ADGRV1: variants seen among roughly 807,000 people sequenced by gnomAD.
ADGRV1 encodes G-protein coupled receptor 98.
Under a neutral mutation model 596.2 loss-of-function variants are expected in ADGRV1, and 359 were observed. The observed-to-expected ratio is 0.60, with a 90% CI of 0.55 to 0.66. The LOEUF (loss-of-function observed/expected upper bound fraction) is 0.66, where lower values mean the gene tolerates loss of function less well. ADGRV1 is among the 30% of genes least tolerant of loss of function. The probability of loss-of-function intolerance (pLI) is 0.00; values close to 1 mark genes in which losing one functional copy is unlikely to be tolerated. For synonymous variants in ADGRV1, 2,681 were observed against 2,679.2 expected, an observed-to-expected ratio of 1.00 and a Z score of -0.02; for missense variants, 7,274 against 7,575.6, an observed-to-expected ratio of 0.96 and a Z score of 1.48.
At chr5:90,922,634 T>C (rs1017648758) in intron 83 of ADGRV1, among the ~76,000 whole-genome samples, 3 of 152,190 alleles carry the variant, frequency 2.0e-5, no homozygotes, top group East Asian at 1.9e-4. Context: ...GCAGAGCTCA[T>C]TGCTGCTTTC....
chr5:90,980,559 C>G (rs558507213), intron 84 of ADGRV1, among the ~76,000 whole-genome samples: 1 of 152,260 alleles, frequency 6.6e-6, no homozygotes, highest in African/African-American at 2.4e-5. Context: ...ATCCTTCTAA[C>G]AACATTTTAA....
At chr5:91,035,861 T>TATATATATA in intron 85 of ADGRV1, among the ~76,000 whole-genome samples, 2 of 96,402 alleles carry the variant, frequency 2.1e-5, no homozygotes, top group Middle Eastern at 4.9e-3. Context: ...TATATATATA[T>TATATATATA]TATATATATA....
intron 17 of ADGRV1, among the ~76,000 whole-genome samples, chr5:90,650,923 TC>T (rs1222380456): frequency 6.6e-6 from 1 of 152,032 alleles, no homozygotes; most frequent in Non-Finnish European, 1.5e-5. Flanking sequence ...GGACTTTTGC[TC>T]CCCTGTGCAA....
chr5:91,067,010 A>G lies in ADGRV1; in HGVS notation c.18153-5437A>G, dbSNP rs536047565. Among the ~76,000 whole-genome samples the G allele has an allele frequency of 2.6e-3, 397 of 152,314 alleles. 4 individuals are homozygous for G. Among genetic ancestry groups the G allele is most frequent in the Non-Finnish European group, 3.8e-3 (261 of 68,022 alleles). On this transcript the variant is annotated intron_variant, in intron 85 of 89. Transcript: ENST00000405460. ...AGGGGCCTATTACTTCTGAGAAGTC[A>G]TGACTTGTGGAGCTCTGAATAAAAG...
chr5:90,750,607 C>T lies in ADGRV1; in HGVS notation c.11031C>T (p.Asn3677=), dbSNP rs75480336. The T allele has an allele frequency of 1.7e-3, 2,733 of 1,611,840 alleles. 40 individuals are homozygous for T. The African/African-American group carries it at 0.032, about 19-fold the overall frequency. ...EMEQDSLVTL[N]VERLKGTYGR... Reference sequence around the variant, plus strand: ...AGCAAGATAGCCTAGTAACCTTGAACGTTGAACGCTTAAAAGGAACATATG... The same window carrying T: ...AGCAAGATAGCCTAGTAACCTTGAATGTTGAACGCTTAAAAGGAACATATG... Residue 3677 remains asparagine, a synonymous_variant, in exon 53 of 90, where the codon AAC becomes AAT. Transcript: ENST00000405460.
Position 90,720,194 on chromosome 5 carries a change from G to A in ADGRV1, c.9594G>A (p.Gly3198=), listed in dbSNP as rs763440161. 95 of 1,597,860 alleles carry A rather than the reference G, an allele frequency of 5.9e-5. No individual in the cohort carries two copies. Among genetic ancestry groups the A allele is most frequent in the Non-Finnish European group, 7.9e-5 (92 of 1,171,934 alleles). ...ITVLQNQAPL[G]LFSISAVENR... is the part of the protein sequence containing the mutation. ...TTTTGCAAAACCAGGCCCCTTTGGG[G>A]CTATTCAGTATCTCTGCAGTTGAAA... Residue 3198 remains glycine (G), a synonymous_variant, in exon 44 of 90, where the codon GGG becomes GGA. Transcript: ENST00000405460.
intron 85 of ADGRV1, chr5:91,031,158 A>G (rs1486570986): frequency 7.7e-6 from 11 of 1,420,368 alleles, no homozygotes; most frequent in East Asian, 6.8e-5. Context: ...GTATTAGAAA[A>G]ATAATTGTCC....
chr5:91,154,644 G>A (rs1402114986), intron 89 of ADGRV1, among the ~76,000 whole-genome samples: 2 of 152,166 alleles, frequency 1.3e-5, no homozygotes, highest in African/African-American at 2.4e-5. Context: ...CTGGAAACTG[G>A]GTAATTTATA....
Position 90,642,702 on chromosome 5 carries a change from T to C in ADGRV1, c.2307T>C (p.Asn769=), listed in dbSNP as rs775205741. The change falls in exon 12 of 90, where the codon AAT becomes AAC. Residue 769 remains asparagine, a synonymous_variant. Coordinates refer to ENST00000405460, the MANE Select transcript of ADGRV1 (RefSeq NM_032119.4). ...GCCGTGACCTAATTATTTTGGAAAA[T>C]GATGACCCTGGGGGAGTTTTTGAAT... ...YTSRDLIILE[N]DDPGGVFEFS... is the part of the protein sequence containing the mutation. The C allele has an allele frequency of 3.7e-6, 6 of 1,613,458 alleles. No individual in the cohort carries two copies. The highest frequency in any genetic ancestry group is 5.1e-6 in the Non-Finnish European group (6 of 1,179,608).
chr5:91,022,924 CAA>C (rs2151192662), intron 85 of ADGRV1, among the ~76,000 whole-genome samples: 1 of 152,222 alleles, frequency 6.6e-6, no homozygotes, highest in South Asian at 2.1e-4. Context: ...AAAGGAGACA[CAA>C]GAGCTAAAAA....
chr5:90,900,716 A>G (rs1464933649), intron 83 of ADGRV1, among the ~76,000 whole-genome samples: 1 of 152,014 alleles, frequency 6.6e-6, no homozygotes, highest in African/African-American at 2.4e-5. Context: ...ACTCACCTAC[A>G]TTACTTGCCT....
intron 6 of ADGRV1, chr5:90,626,325 C>A (rs1764752281): frequency 6.6e-6 from 1 of 151,940 alleles, no homozygotes; most frequent in South Asian, 2.1e-4. Flanking sequence ...AGCAAAAAAA[C>A]CTTTTTGTTT....
Position 90,643,102 on chromosome 5 carries a change from T to C in ADGRV1, c.2553+61T>C, listed in dbSNP as rs1767211754. 9.7e-6 allele frequency: 13 copies of C among 1,342,958 alleles called. No individual in the cohort carries two copies. The South Asian group carries it at 1.8e-4, about 18-fold the overall frequency. The allele number at this position is 1,342,958 out of a possible 1,614,324, so 83.2% of individuals were successfully genotyped here. A position where few individuals can be genotyped will look rare whatever the true frequency, so the allele number is the denominator to read the frequency against. On this transcript the variant is annotated intron_variant, in intron 13 of 89. Coordinates refer to ENST00000405460, the MANE Select transcript of ADGRV1 (RefSeq NM_032119.4). The stretch of plus-strand genomic sequence containing the variant: ...AAGATTGATAGTATTTGGTATATTA[T>C]GAATATAAATATTTTGAATATTGGC...
rs559240157 is a variant in ADGRV1 at position 90,788,695 on chromosome 5, G to C, written c.13893+385G>C. 1.6e-4 allele frequency among the ~76,000 whole-genome samples: 25 copies of C among 152,012 alleles called. 1 individual carries two copies. Among genetic ancestry groups the C allele is most frequent in the African/African-American group, 6.0e-4 (25 of 41,352 alleles). ...TTCCAGATAGTTTGAAGGAAAAAAT[G>C]GTACTTGTTTAGTTAAGGCAAAAAG... is the stretch of plus-strand genomic sequence containing the variant. On this transcript the variant is annotated intron_variant, in intron 68 of 89. Coordinates refer to ENST00000405460, the MANE Select transcript of ADGRV1 (RefSeq NM_032119.4).
At chr5:90,794,539 G>A (rs916719907) in intron 70 of ADGRV1, among the ~76,000 whole-genome samples, 3 of 152,142 alleles carry the variant, frequency 2.0e-5, no homozygotes, top group African/African-American at 4.8e-5. Context: ...AATAATTCCT[G>A]GTGCCATGTT....
intron 70 of ADGRV1, chr5:90,791,830 T>C (rs1441585748): frequency 6.5e-6 from 1 of 154,776 alleles, no homozygotes; most frequent in Non-Finnish European, 1.4e-5. Flanking sequence ...TGATATTCTC[T>C]AATGGTAATG....
intron 86 of ADGRV1, among the ~76,000 whole-genome samples, chr5:91,081,516 A>T (rs1789376879): frequency 6.6e-6 from 1 of 151,990 alleles, no homozygotes; most frequent in Non-Finnish European, 1.5e-5. Flanking sequence ...GGGCATGGTG[A>T]CTCACGCCCG....
chr5:90,578,896 T>C (rs1196782859), intron 1 of ADGRV1, among the ~76,000 whole-genome samples: 1 of 152,260 alleles, frequency 6.6e-6, no homozygotes, highest in Non-Finnish European at 1.5e-5. Flanking sequence ...AGTTTATTTG[T>C]GTAGAGGTGT....
chr5:90,788,182 G>T lies in ADGRV1; in HGVS notation c.13765G>T (p.Val4589Leu), dbSNP rs375258567. ...LFYFGEGEGG[V>L]RTIILTIYPH... ...CTATTTTGGAGAAGGAGAAGGAGGAGTGAGAACCATAATTCTGACAATCTA... is the reference window on the plus strand; with the variant it reads ...CTATTTTGGAGAAGGAGAAGGAGGATTGAGAACCATAATTCTGACAATCTA... Residue 4589 changes from valine to leucine, a missense_variant, in exon 68 of 90, where the codon GTG (valine) becomes TTG (leucine). By Grantham distance (32) the Val-to-Leu change is conservative. Coordinates refer to ENST00000405460, the MANE Select transcript of ADGRV1 (RefSeq NM_032119.4). 8.7e-6 allele frequency: 14 copies of T among 1,613,740 alleles called. No individual in the cohort carries two copies. The highest frequency in any genetic ancestry group is 1.1e-5 in the South Asian group (1 of 91,080).
Sources: allele counts gnomAD v4.1 joint callset (sites outside exome capture counted in the v4.1 genomes callset), GRCh38; gene constraint gnomAD v4.1.1; transcripts MANE v1.5; gene names NCBI Gene and HGNC (gene_info 2026-07-23, HGNC 2026-07-21).